The following AUTS2 variants were observed in gnomAD, a reference collection of about 807,000 sequenced individuals.
The protein encoded by AUTS2 is activator of transcription and developmental regulator AUTS2.
A neutral mutation model predicts 112.4 loss-of-function variants in AUTS2; 17 were observed. That is an observed-to-expected ratio of 0.15 (90% CI 0.10 to 0.23). AUTS2 has a LOEUF of 0.23. Among genes scored for constraint, AUTS2 ranks in the 10% least tolerant of loss-of-function variants. The pLI is 1.00. For missense variants in AUTS2, 1,510 were observed against 1,701.6 expected (o/e 0.89, Z 1.98); for synonymous variants, 751 against 702.7 (o/e 1.07, Z -1.09).
intron 1 of AUTS2, among the ~76,000 whole-genome samples, chr7:69,603,714 T>C (rs761598953): frequency 3.3e-5 from 5 of 152,206 alleles, no homozygotes; most frequent in Non-Finnish European, 7.3e-5. Context: ...TTAACGTTGG[T>C]ATATAGTATA....
intron 4 of AUTS2, among the ~76,000 whole-genome samples, chr7:70,176,714 T>C (rs1023530982): frequency 2.6e-5 from 4 of 152,222 alleles, no homozygotes; most frequent in Non-Finnish European, 5.9e-5. Flanking sequence ...TGAAAATCTT[T>C]CTAAAATATG....
At chr7:70,726,768 A>G (rs1360892487) in intron 6 of AUTS2, among the ~76,000 whole-genome samples, 3 of 152,328 alleles carry the variant, frequency 2.0e-5, no homozygotes, top group African/African-American at 4.8e-5. Flanking sequence ...CTTAAACACA[A>G]TAGCATCTTC....
chr7:70,542,147 C>T (rs1261946625), intron 5 of AUTS2, among the ~76,000 whole-genome samples: 1 of 152,012 alleles, frequency 6.6e-6, no homozygotes, highest in African/African-American at 2.4e-5. Flanking sequence ...CCTGTTCTGT[C>T]TATGTCATTG....
At chr7:70,356,407 T>C (rs747751459) in intron 4 of AUTS2, among the ~76,000 whole-genome samples, 8 of 152,254 alleles carry the variant, frequency 5.3e-5, no homozygotes, top group Non-Finnish European at 1.0e-4. Context: ...TTTTATTGCC[T>C]ATTAAAATGT....
intron 4 of AUTS2, among the ~76,000 whole-genome samples, chr7:70,393,163 T>C (rs1793938324): frequency 6.6e-6 from 1 of 152,238 alleles, no homozygotes; most frequent in Non-Finnish European, 1.5e-5. Context: ...GCCCCATTCA[T>C]GTCCTCCAGC....
At chr7:70,460,159 A>G (rs983057398) in intron 5 of AUTS2, among the ~76,000 whole-genome samples, 1 of 152,022 alleles carries the variant, frequency 6.6e-6, no homozygotes, top group Non-Finnish European at 1.5e-5. Context: ...TACCCTGCCT[A>G]CTTTGTCCTG....
At chr7:69,976,878 C>T (rs915367489) in intron 2 of AUTS2, among the ~76,000 whole-genome samples, 2 of 151,914 alleles carry the variant, frequency 1.3e-5, no homozygotes, top group African/African-American at 2.4e-5. Context: ...CATTTTTTCC[C>T]ATTCCATAGG....
intron 5 of AUTS2, among the ~76,000 whole-genome samples, chr7:70,514,150 TTTA>T (rs1261923680): frequency 6.6e-6 from 1 of 152,246 alleles, no homozygotes; most frequent in Non-Finnish European, 1.5e-5. Context: ...TGTATATTAT[TTTA>T]TTATGTGAAT....
At chr7:70,763,489 C>T (rs971413078) in intron 7 of AUTS2, 148 bp downstream of exon 7, 20 of 646,978 alleles carry the variant, frequency 3.1e-5, no homozygotes, top group Middle Eastern at 2.7e-4. Context: ...GGGAATGGGG[C>T]TGTTGGGTGA....
At chr7:70,025,050 A>T (rs1229075404) in intron 2 of AUTS2, among the ~76,000 whole-genome samples, 1 of 152,148 alleles carries the variant, frequency 6.6e-6, no homozygotes, top group Non-Finnish European at 1.5e-5. Flanking sequence ...CTCTCATCTC[A>T]CATGCACACA....
chr7:70,699,350 C>T (rs1419031555), intron 6 of AUTS2: 1 of 152,158 alleles, frequency 6.6e-6, no homozygotes, highest in Non-Finnish European at 1.5e-5. Flanking sequence ...ACTGTCGAGC[C>T]TGATTTAGGG....
intron 1 of AUTS2, among the ~76,000 whole-genome samples, chr7:69,626,303 C>A (rs1409091724): frequency 6.6e-6 from 1 of 152,100 alleles, no homozygotes; most frequent in East Asian, 1.9e-4. Context: ...TCACTGTATT[C>A]TTTCCTGGAG....
intron 4 of AUTS2, among the ~76,000 whole-genome samples, chr7:70,417,939 G>A (rs538479873): frequency 1.2e-4 from 19 of 152,238 alleles, no homozygotes; most frequent in African/African-American, 4.6e-4. Context: ...TCCTTCCAAG[G>A]CACCACCTGA....
chr7:69,870,448 A>AATATATATATATATATATAT (rs11467258), intron 1 of AUTS2, among the ~76,000 whole-genome samples: 3,461 of 78,730 alleles, frequency 0.044, 238 homozygotes, highest in African/African-American at 0.078. Context: ...ATGTGTGTGT[A>AATATATATATATATATATAT]ATATATATAT....
chr7:69,752,727 TC>T (rs1376545415), intron 1 of AUTS2, among the ~76,000 whole-genome samples: 2 of 152,178 alleles, frequency 1.3e-5, no homozygotes, highest in Non-Finnish European at 2.9e-5. Context: ...TAGTTGTCTT[TC>T]AGGTCACTTA....
chr7:70,762,806 T>A, intron 6 of AUTS2, 64 bp from the exon 7 acceptor site: 1 of 1,226,744 alleles, frequency 8.2e-7, no homozygotes, highest in East Asian at 2.3e-5. Flanking sequence ...GAGTTTCCTT[T>A]CCCTCCTTAT....
intron 4 of AUTS2, among the ~76,000 whole-genome samples, chr7:70,366,993 C>T (rs548632995): frequency 6.6e-6 from 1 of 152,216 alleles, no homozygotes; most frequent in Non-Finnish European, 1.5e-5. Context: ...ATTAGAAATA[C>T]TGATTTATGG....
At chr7:70,440,122 G>A (rs1025783993) in intron 5 of AUTS2, among the ~76,000 whole-genome samples, 4 of 151,326 alleles carry the variant, frequency 2.6e-5, no homozygotes, top group East Asian at 1.9e-4. Context: ...GGCTTATGGC[G>A]GTAATCCCAG....
intron 5 of AUTS2, among the ~76,000 whole-genome samples, chr7:70,659,534 T>C (rs1806955824): frequency 6.6e-6 from 1 of 152,150 alleles, no homozygotes; most frequent in Non-Finnish European, 1.5e-5. Context: ...CTTCCTTGTT[T>C]GTAACATAGG....
Sources: allele counts gnomAD v4.1 joint callset (sites outside exome capture counted in the v4.1 genomes callset), GRCh38; gene constraint gnomAD v4.1.1; transcripts MANE v1.5; gene names NCBI Gene and HGNC (gene_info 2026-07-23, HGNC 2026-07-21).